Variants in CACNA1G observed in about 807,000 individuals in gnomAD.
CACNA1G encodes voltage-dependent T-type calcium channel subunit alpha-1G.
CACNA1G carries 67 observed loss-of-function variants against 219.4 expected under a neutral mutation model. The observed-to-expected ratio is 0.31, with a 90% CI of 0.25 to 0.37. The LOEUF (loss-of-function observed/expected upper bound fraction) is 0.37. Ranked by LOEUF, CACNA1G falls within the 10% of genes least tolerant of loss-of-function variation. The pLI is 1.00. For synonymous variants in CACNA1G, 1,296 were observed against 1,345.3 expected, an observed-to-expected ratio of 0.96 and a Z score of 0.80; for missense variants, 2,380 against 3,231.4, an observed-to-expected ratio of 0.74 and a Z score of 6.39.
Position 50,561,560 on chromosome 17 carries a change from CG to C in CACNA1G, c.105del (p.Ser36GlnfsTer29). 1 of 1,545,772 alleles carries C rather than the reference CG, an allele frequency of 6.5e-7. No homozygotes were observed. ...TCGGGGGCCGGGGGCCGGCCGGGGC[CG>C]GGGTCAGCAGAAAAGGACCCGGGCA... Reference protein sequence around the residue: ...DLSGAGGRPGPGSAEKDPGSA... With the variant: ...DLSGAGGRPGXGSAEKDPGSA... On this transcript the variant is annotated frameshift_variant, in exon 1 of 38. Transcript: ENST00000359106. LOFTEE classifies it high-confidence loss of function.
In CACNA1G at chr17:50,561,040, G is replaced by C. The variant is rs2144129329; in HGVS notation, c.-420G>C. On this transcript the variant is annotated 5_prime_UTR_variant, in exon 1 of 38. Coordinates refer to ENST00000359106, the MANE Select transcript of CACNA1G (RefSeq NM_018896.5). Reference sequence around the variant, plus strand: ...TAGATCCGGCTCCAGCTGCGCCGCGGGAAGAGGGGGCGCCCCTCCCCGGAC... The same window carrying C: ...TAGATCCGGCTCCAGCTGCGCCGCGCGAAGAGGGGGCGCCCCTCCCCGGAC... 5.9e-6 allele frequency: 2 copies of C among 339,656 alleles called. No homozygotes were observed. Among genetic ancestry groups the C allele is most frequent in the South Asian group, 4.3e-5 (2 of 46,010 alleles). The allele number at this position is 339,656 out of a possible 1,614,324, so 21.0% of individuals were successfully genotyped here. A position where few individuals can be genotyped will look rare whatever the true frequency, so the allele number is the denominator to read the frequency against.
chr17:50,584,683 C>T (rs1283544215), intron 9 of CACNA1G, among the ~76,000 whole-genome samples: 1 of 151,914 alleles, frequency 6.6e-6, no homozygotes, highest in Non-Finnish European at 1.5e-5. Flanking sequence ...GGCTCCCTTC[C>T]AGGAGAGGAA....
intron 8 of CACNA1G, among the ~76,000 whole-genome samples, chr17:50,577,982 C>T (rs2041093500): frequency 6.6e-6 from 1 of 152,174 alleles, no homozygotes; most frequent in Non-Finnish European, 1.5e-5. Flanking sequence ...CAGTGACTGT[C>T]AATGAAGTGC....
Position 50,626,589 on chromosome 17 carries a change from G to A in CACNA1G, c.6972G>A (p.Pro2324=), listed in dbSNP as rs370669779. Residue 2324 remains proline, a synonymous_variant, in exon 38 of 38, where the codon CCG becomes CCA. Transcript: ENST00000359106. This position sits in a 1 kb window ranked among gnomAD's most constrained non-coding sequence, Gnocchi z 4.3. ...CCGAGAGCCAAGGTCCTCGGACCCC[G>A]CCCAGCCCTGGTATCTGCCTCCGGA... is the stretch of plus-strand genomic sequence containing the variant. The part of the protein sequence containing the change: ...DPPESQGPRT[P]PSPGICLRRR... 4.0e-5 allele frequency: 64 copies of A among 1,609,462 alleles called. No individual in the cohort carries two copies. The highest frequency in any genetic ancestry group is 1.2e-4 in the South Asian group (11 of 90,608).
intron 19 of CACNA1G, 23 bp from the exon 20 acceptor site, chr17:50,602,797 C>A (rs762294735): frequency 8.1e-6 from 13 of 1,611,852 alleles, no homozygotes; most frequent in African/African-American, 8.0e-5. Flanking sequence ...TGGCGGGCAA[C>A]CCCTGCCTCC....
At chr17:50,593,234 C>G (rs953330869) in intron 13 of CACNA1G, among the ~76,000 whole-genome samples, 1 of 152,174 alleles carries the variant, frequency 6.6e-6, no homozygotes, top group African/African-American at 2.4e-5. Flanking sequence ...AGGGGCACCA[C>G]AGTACTCCCA....
chr17:50,574,726 T>TA (rs2040250241), intron 7 of CACNA1G, among the ~76,000 whole-genome samples: 1 of 152,146 alleles, frequency 6.6e-6, no homozygotes, highest in Admixed American at 6.5e-5. Context: ...TCATAATTAC[T>TA]AGGACACGAT....
Position 50,626,058 on chromosome 17 carries a change from C to T in CACNA1G, c.6441C>T (p.Gly2147=). 1 of 1,613,240 alleles carries T rather than the reference C, an allele frequency of 6.2e-7. No homozygotes were observed. The highest frequency in any genetic ancestry group is 8.5e-7 in the Non-Finnish European group (1 of 1,179,660). The change falls in exon 38 of 38, where the codon GGC becomes GGT. Residue 2147 remains glycine (G), a synonymous_variant. Coordinates refer to ENST00000359106, the MANE Select transcript of CACNA1G (RefSeq NM_018896.5). The surrounding 1 kb of genome is among the most constrained non-coding windows in gnomAD (Gnocchi z 4.3). ...ACTCCTTGGACGTTCAGGGTCTGGGCAGCCGGGAAGACCTGCTGGCAGAGG... is the reference window on the plus strand; with the variant it reads ...ACTCCTTGGACGTTCAGGGTCTGGGTAGCCGGGAAGACCTGCTGGCAGAGG... ...RTDSLDVQGL[G]SREDLLAEVS...
In CACNA1G at chr17:50,568,923, G is replaced by A; in HGVS notation, c.296G>A (p.Gly99Asp). 6.2e-7 allele frequency: 1 copy of A among 1,613,510 alleles called. No individual in the cohort carries two copies. Among genetic ancestry groups the A allele is most frequent in the Non-Finnish European group, 8.5e-7 (1 of 1,179,880 alleles). ...LVILLNCVTL[G>D]MFRPCEDIAC... ...ATCCTTCTCAACTGCGTGACCCTGG[G>A]CATGTTCCGGCCATGCGAGGACATC... The change falls in exon 2 of 38, where the codon GGC becomes GAC. Residue 99 changes from glycine to aspartate, a missense_variant. Transcript: ENST00000359106.
intron 26 of CACNA1G, among the ~76,000 whole-genome samples, chr17:50,612,890 C>A (rs1028021560): frequency 6.6e-6 from 1 of 152,232 alleles, no homozygotes; most frequent in Non-Finnish European, 1.5e-5. Context: ...CAGGTCCAGG[C>A]TCCTCCTGGA....
intron 37 of CACNA1G, 36 bp downstream of exon 37, chr17:50,624,565 G>A: frequency 6.6e-7 from 1 of 1,524,278 alleles, no homozygotes; most frequent in Non-Finnish European, 8.9e-7. Context: ...CAGGCCTGGG[G>A]GCTGGACCCT....
intron 24 of CACNA1G, chr17:50,607,514 T>G: frequency 3.1e-6 from 1 of 325,266 alleles, no homozygotes; most frequent in Non-Finnish European, 5.6e-6. Flanking sequence ...AAAATAATGG[T>G]GAGTTTTACA....
At position 50,578,052 on chromosome 17, in the gene CACNA1G, C is replaced by T. The variant is rs750363153; in HGVS notation, c.1925-136C>T. 6.1e-5 allele frequency: 62 copies of T among 1,021,134 alleles called. No homozygotes were observed. In the African/African-American group the frequency reaches 7.6e-4, roughly 13 times the overall value. 63.3% of individuals were successfully genotyped at this position (1,021,134 alleles called of 1,614,324 possible). A position where few individuals can be genotyped will look rare whatever the true frequency, so the allele number is the denominator to read the frequency against. ...CCCACCTTGCCTGACATTCAGCACCCCTGGCCCACTAAGTGCCTAGCACCC... is the reference window on the plus strand; with the variant it reads ...CCCACCTTGCCTGACATTCAGCACCTCTGGCCCACTAAGTGCCTAGCACCC... On this transcript the variant is annotated intron_variant, in intron 8 of 37. Coordinates refer to ENST00000359106, the MANE Select transcript of CACNA1G (RefSeq NM_018896.5). This position sits in a 1 kb window ranked among gnomAD's most constrained non-coding sequence, Gnocchi z 4.5.
chr17:50,621,651 CCT>C lies in CACNA1G; in HGVS notation c.5926-8_5926-7del. 6.2e-7 allele frequency: 1 copy of C among 1,613,562 alleles called. No individual in the cohort carries two copies. The highest frequency in any genetic ancestry group is 8.5e-7 in the Non-Finnish European group (1 of 1,179,628). ...TTTCTCATGCCTGATCATCTCTCTC[CCT>C]GTCTAGATCCCTCTAGCTGAGATGG... On this transcript the variant is annotated splice_polypyrimidine_tract_variant and splice_region_variant and intron_variant, in intron 34 of 37. Transcript: ENST00000359106. The surrounding 1 kb of genome is among the most constrained non-coding windows in gnomAD (Gnocchi z 4.6).
chr17:50,591,657 G>C (rs773612747), intron 11 of CACNA1G, 37 bp downstream of exon 11: 1 of 1,610,254 alleles, frequency 6.2e-7, no homozygotes, highest in South Asian at 1.1e-5. Context: ...CTGAGAGACC[G>C]GCCAGGCTGG....
intron 1 of CACNA1G, among the ~76,000 whole-genome samples, chr17:50,565,023 GC>G (rs890613677): frequency 2.1e-5 from 3 of 140,342 alleles, no homozygotes; most frequent in Admixed American, 1.4e-4. Flanking sequence ...CCACCACACA[GC>G]CCCCCCCACC....
intron 25 of CACNA1G, among the ~76,000 whole-genome samples, chr17:50,609,182 C>G (rs999802359): frequency 4.6e-5 from 7 of 152,114 alleles, no homozygotes; most frequent in Admixed American, 3.9e-4. Context: ...CTCCCTCGGC[C>G]TGGGAGTGGC....
intron 16 of CACNA1G, among the ~76,000 whole-genome samples, 190 bp downstream of exon 16, chr17:50,597,113 G>C (rs1282584905): frequency 6.6e-6 from 1 of 152,146 alleles, no homozygotes; most frequent in Non-Finnish European, 1.5e-5. Context: ...GCCCTAGCCT[G>C]GGGGCTGAAA....
chr17:50,571,727 C>G lies in CACNA1G; in HGVS notation c.587-151C>G. 1 of 704,544 alleles carries G rather than the reference C, an allele frequency of 1.4e-6. No individual in the cohort carries two copies. Among genetic ancestry groups the G allele is most frequent in the South Asian group, 1.8e-5 (1 of 54,858 alleles). The allele number at this position is 704,544 out of a possible 1,614,324, so 43.6% of individuals were successfully genotyped here. On this transcript the variant is annotated intron_variant, in intron 4 of 37. Coordinates refer to ENST00000359106, the MANE Select transcript of CACNA1G (RefSeq NM_018896.5). This position sits in a 1 kb window ranked among gnomAD's most constrained non-coding sequence, Gnocchi z 4.3. ...GGGCTGCAGAGGCTATCTGGGGAGT[C>G]AGAGGTGTCTGTTGGTCTCCCCTCC...
Sources: allele counts gnomAD v4.1 joint callset (sites outside exome capture counted in the v4.1 genomes callset), GRCh38; gene constraint gnomAD v4.1.1; non-coding constraint Gnocchi (gnomAD v3.1); transcripts MANE v1.5; gene names NCBI Gene and HGNC (gene_info 2026-07-23, HGNC 2026-07-21).